Variants in NYNRIN observed in about 807,000 individuals in gnomAD.
NYNRIN encodes the protein NYN domain and retroviral integrase containing, also known as protein NYNRIN.
In NYNRIN, 86 loss-of-function variants were observed where a neutral mutation model predicts 146.6. That is an observed-to-expected ratio of 0.59 (90% CI 0.49 to 0.70). NYNRIN has a LOEUF of 0.70. NYNRIN is among the 30% of genes least tolerant of loss of function. The pLI, the probability that NYNRIN is intolerant of heterozygous loss-of-function variation, is 0.00. For synonymous variants in NYNRIN, 1,027 were observed against 1,001.3 expected (o/e 1.03, Z -0.48); for missense variants, 2,191 against 2,377.7 (o/e 0.92, Z 1.63).
chr14:24,406,795 G>A (rs1189620513), intron 2 of NYNRIN, among the ~76,000 whole-genome samples: 5 of 152,226 alleles, frequency 3.3e-5, no homozygotes, highest in Non-Finnish European at 7.3e-5. Flanking sequence ...TCCACATGGG[G>A]TGGCTGATTG....
Position 24,399,433 on chromosome 14 carries a change from G to A in NYNRIN, c.187G>A (p.Gly63Ser). Residue 63 changes from glycine (G) to serine (S), a missense_variant, in exon 2 of 9, where the codon GGC (glycine) becomes AGC (serine). This residue lies in a region of NYNRIN where 895 missense variants were observed against 941.2 expected (regional missense o/e 0.95). Transcript: ENST00000382554. ...LQLEGPRENMGKAKEYLKGLC... is the reference protein window; with the variant it reads ...LQLEGPRENMSKAKEYLKGLC... Reference sequence around the variant, plus strand: ...GCTCGAGGGGCCCCGAGAGAACATGGGCAAAGCCAAGGTAAACAGCTTCTC... The same window carrying A: ...GCTCGAGGGGCCCCGAGAGAACATGAGCAAAGCCAAGGTAAACAGCTTCTC... 1.2e-6 allele frequency: 2 copies of A among 1,611,580 alleles called. No individual in the cohort carries two copies. The highest frequency in any genetic ancestry group is 1.7e-6 in the Non-Finnish European group (2 of 1,178,836).
At position 24,411,271 on chromosome 14, in the gene NYNRIN, GC is replaced by G. The variant is rs201048970; in HGVS notation, c.2545+69del. On this transcript the variant is annotated intron_variant, in intron 5 of 8. Transcript: ENST00000382554. This position sits in a 1 kb window ranked among gnomAD's most constrained non-coding sequence, Gnocchi z 4.3. ...CAAGCTTTCTTCTCTCTGCCTTGCT[GC>G]CCCGACCCTCTGCCACCCCAGAGTG... 30,360 of 1,612,630 alleles carry G rather than the reference GC, an allele frequency of 0.019. 327 individuals are homozygous for G. The highest frequency in any genetic ancestry group is 0.037 in the Middle Eastern group (224 of 6,046).
chr14:24,413,205 C>T, intron 7 of NYNRIN, 107 bp downstream of exon 7: 1 of 1,325,928 alleles, frequency 7.5e-7, no homozygotes, highest in Non-Finnish European at 1.1e-6. Context: ...GTAGTGCCCA[C>T]CAGCACCTGC....
intron 2 of NYNRIN, among the ~76,000 whole-genome samples, chr14:24,405,652 G>C (rs2042871556): frequency 6.6e-6 from 1 of 152,186 alleles, no homozygotes; most frequent in Non-Finnish European, 1.5e-5. Context: ...TGTGGAGCTA[G>C]AGTGCCTGAG....
chr14:24,413,186 G>C, intron 7 of NYNRIN, 88 bp downstream of exon 7: 1 of 1,333,986 alleles, frequency 7.5e-7, no homozygotes, highest in Non-Finnish European at 1.1e-6. Context: ...CTGGAAGAGA[G>C]GCCTTGGAGT....
At position 24,416,768 on chromosome 14, in the gene NYNRIN, TC is replaced by T; in HGVS notation, c.5021del (p.Pro1674LeufsTer2). 6.2e-7 allele frequency: 1 copy of T among 1,613,730 alleles called. No homozygotes were observed. Among genetic ancestry groups the T allele is most frequent in the Non-Finnish European group, 8.5e-7 (1 of 1,179,842 alleles). On this transcript the variant is annotated frameshift_variant, in exon 9 of 9. Transcript: ENST00000382554. LOFTEE classifies it high-confidence loss of function. ...LQHVFARWGV[P>X]VRLEAAQGPQ... ...AGCATGTGTTTGCAAGGTGGGGTGT[TC>T]CTGTGAGGCTGGAGGCAGCCCAGGG...
intron 2 of NYNRIN, among the ~76,000 whole-genome samples, chr14:24,403,835 A>G (rs1374947780): frequency 6.6e-6 from 1 of 152,274 alleles, no homozygotes; most frequent in Non-Finnish European, 1.5e-5. Flanking sequence ...CACGTTGCAT[A>G]GCCAAAGGAT....
intron 8 of NYNRIN, 40 bp from the exon 9 acceptor site, chr14:24,414,556 G>T: frequency 6.4e-7 from 1 of 1,554,858 alleles, no homozygotes. Context: ...GATTGCTCAC[G>T]ATGGGGCTGC....
rs747458117 is a variant in NYNRIN, at chr14:24,414,837, G to T, written c.3088G>T (p.Glu1030Ter). 1.2e-6 allele frequency: 2 copies of T among 1,613,340 alleles called. No homozygotes were observed. Among genetic ancestry groups the T allele is most frequent in the Non-Finnish European group, 1.7e-6 (2 of 1,179,526 alleles). Residue 1030 changes from glutamate to a stop codon, truncating the protein, a stop_gained, in exon 9 of 9, where the codon GAG (glutamate) becomes TAG (stop). Transcript: ENST00000382554. LOFTEE classifies it high-confidence loss of function. ...DSSLASVFRV[E>*]CPSLSEEILR... is the part of the protein sequence containing the mutation. ...TTCGCTGGCGTCAGTGTTCAGGGTGGAGTGCCCGTCCCTTTCGGAGGAGAT... is the reference window on the plus strand; with the variant it reads ...TTCGCTGGCGTCAGTGTTCAGGGTGTAGTGCCCGTCCCTTTCGGAGGAGAT...
chr14:24,406,872 C>T (rs1188130522), intron 2 of NYNRIN, among the ~76,000 whole-genome samples: 1 of 152,258 alleles, frequency 6.6e-6, no homozygotes, highest in Non-Finnish European at 1.5e-5. Context: ...ACCTCGCCCA[C>T]CCCAGCCACT....
Position 24,411,314 on chromosome 14 carries a change from C to T in NYNRIN, c.2546-40C>T, listed in dbSNP as rs1245506118. On this transcript the variant is annotated intron_variant, in intron 5 of 8. Coordinates refer to ENST00000382554, the MANE Select transcript of NYNRIN (RefSeq NM_025081.3). The surrounding 1 kb of genome is among the most constrained non-coding windows in gnomAD (Gnocchi z 4.3). ...CCCAGAGTGGCCATTTCCACTTAGCCCTCCCTTGACCATTTCTGTCTTCTG... is the reference window on the plus strand; with the variant it reads ...CCCAGAGTGGCCATTTCCACTTAGCTCTCCCTTGACCATTTCTGTCTTCTG... 1 of 1,612,752 alleles carries T rather than the reference C, an allele frequency of 6.2e-7. No homozygotes were observed. Among genetic ancestry groups the T allele is most frequent in the Non-Finnish European group, 8.5e-7 (1 of 1,178,780 alleles).
rs948847074 is a variant in NYNRIN at position 24,418,338 on chromosome 14, G to A, written c.*892G>A. The A allele has an allele frequency of 6.6e-6, 3 of 453,944 alleles. No individual in the cohort carries two copies. The highest frequency in any genetic ancestry group is 3.1e-5 in the South Asian group (2 of 64,246). The allele number at this position is 453,944 out of a possible 1,614,324, so 28.1% of individuals were successfully genotyped here. ...GGCGTCTGCAACAGGAGTGGCACACGGTGAAGTGCTGGCATGGCTCTACCT... is the reference window on the plus strand; with the variant it reads ...GGCGTCTGCAACAGGAGTGGCACACAGTGAAGTGCTGGCATGGCTCTACCT... On this transcript the variant is annotated 3_prime_UTR_variant, in exon 9 of 9. Coordinates refer to ENST00000382554, the MANE Select transcript of NYNRIN (RefSeq NM_025081.3).
rs113119792 is a variant in NYNRIN, at chr14:24,408,763, G to C, written c.969G>C (p.Arg323Ser). 27 of 1,613,858 alleles carry C rather than the reference G, an allele frequency of 1.7e-5. No homozygotes were observed. Among genetic ancestry groups the C allele is most frequent in the East Asian group, 6.7e-5 (3 of 44,898 alleles). The change falls in exon 4 of 9, where the codon AGG (arginine) becomes AGC (serine). Residue 323 changes from arginine to serine, a missense_variant. This residue lies in a region of NYNRIN where 895 missense variants were observed against 941.2 expected (regional missense o/e 0.95). Transcript: ENST00000382554. The part of the protein sequence containing the change: ...TNHTQALLKQ[R>S]QVQKIEDKLL... ...ACACACAAGCCTTGTTGAAGCAAAGGCAGGTCCAGAAGATAGAAGATAAAC... is the reference window on the plus strand; with the variant it reads ...ACACACAAGCCTTGTTGAAGCAAAGCCAGGTCCAGAAGATAGAAGATAAAC...
intron 6 of NYNRIN, chr14:24,412,732 G>T (rs1383100963): frequency 5.7e-6 from 2 of 349,706 alleles, no homozygotes; most frequent in Non-Finnish European, 1.1e-5. Context: ...ATGTGCCTAT[G>T]CGTATAACAG....
Position 24,409,436 on chromosome 14 carries a change from A to T in NYNRIN, c.1642A>T (p.Met548Leu). ...AGTGCCTGAAACTCTCAAAGTGCCCATGGCTGCAGCAGTGCCCAAAGCTGA... is the reference window on the plus strand; with the variant it reads ...AGTGCCTGAAACTCTCAAAGTGCCCTTGGCTGCAGCAGTGCCCAAAGCTGA... ...QTVPETLKVPMAAAVPKAENP... is the reference protein window; with the variant it reads ...QTVPETLKVPLAAAVPKAENP... The change falls in exon 4 of 9, where the codon ATG (methionine) becomes TTG (leucine). Residue 548 changes from methionine (M) to leucine (L), a missense_variant. Physicochemically the swap from Met to Leu is conservative, Grantham distance 15. This residue lies in a region of NYNRIN where 895 missense variants were observed against 941.2 expected (regional missense o/e 0.95). Transcript: ENST00000382554. 1.2e-6 allele frequency: 2 copies of T among 1,614,016 alleles called. No homozygotes were observed. Among genetic ancestry groups the T allele is most frequent in the South Asian group, 2.2e-5 (2 of 91,086 alleles).
intron 2 of NYNRIN, among the ~76,000 whole-genome samples, chr14:24,400,833 G>A (rs1309554531): frequency 1.3e-5 from 2 of 151,154 alleles, no homozygotes; most frequent in Middle Eastern, 3.4e-3. Context: ...GCCCAGGCTG[G>A]AGTGCAATGG....
Position 24,399,264 on chromosome 14 carries a change from C to A in NYNRIN, c.18C>A (p.Gly6=). 6.2e-7 allele frequency: 1 copy of A among 1,613,802 alleles called. No individual in the cohort carries two copies. The highest frequency in any genetic ancestry group is 1.3e-5 in the African/African-American group (1 of 75,046). MLLSG[G]DPPAQEWFMV... ...GGGCAGCCATGCTCCTGTCTGGGGG[C>A]GATCCTCCGGCGCAGGAATGGTTCA... The change falls in exon 2 of 9, where the codon GGC becomes GGA. Residue 6 remains glycine (G), a synonymous_variant. Transcript: ENST00000382554.
In NYNRIN at chr14:24,415,989, A is replaced by G. The variant is rs1442856086; in HGVS notation, c.4240A>G (p.Ile1414Val). The G allele has an allele frequency of 6.8e-6, 11 of 1,613,802 alleles. No homozygotes were observed. Among genetic ancestry groups the G allele is most frequent in the African/African-American group, 2.7e-5 (2 of 74,992 alleles). The change falls in exon 9 of 9, where the codon ATT becomes GTT. Residue 1414 changes from isoleucine (I) to valine (V), a missense_variant. Physicochemically the swap from Ile to Val is conservative, Grantham distance 29. Around this residue, in one of 3 missense-constraint regions of NYNRIN, gnomAD observed 1,291 missense variants for 1,417.0 expected, o/e 0.91. Transcript: ENST00000382554. The stretch of plus-strand genomic sequence containing the variant: ...CCCTCACCCAAGCCTGCTCTCCTAC[A>G]TTATATCCCTCACCTCTGGCCTCTC... ...PLPHPSLLSY[I>V]ISLTSGLSSL...
rs200952720 is a variant in NYNRIN at position 24,415,220 on chromosome 14, G to C, written c.3471G>C (p.Gln1157His). The stretch of plus-strand genomic sequence containing the variant: ...TCTGCCTGATGGCCCCCAACTCCCA[G>C]CTGCCCTTCCGCCTGGAGGTGACCG... ...SALCLMAPNS[Q>H]LPFRLEVTVS... Residue 1157 changes from glutamine to histidine, a missense_variant, in exon 9 of 9, where the codon CAG becomes CAC. Around this residue, in one of 3 missense-constraint regions of NYNRIN, gnomAD observed 1,291 missense variants for 1,417.0 expected, o/e 0.91. Coordinates refer to ENST00000382554, the MANE Select transcript of NYNRIN (RefSeq NM_025081.3). 6.9e-5 allele frequency: 112 copies of C among 1,612,504 alleles called. No homozygotes were observed. The highest frequency in any genetic ancestry group is 9.0e-5 in the Non-Finnish European group (106 of 1,179,858).
Sources: allele counts gnomAD v4.1 joint callset (sites outside exome capture counted in the v4.1 genomes callset), GRCh38; gene constraint gnomAD v4.1.1; regional missense constraint gnomAD v4.1.1; non-coding constraint Gnocchi (gnomAD v3.1); transcripts MANE v1.5; gene names NCBI Gene and HGNC (gene_info 2026-07-23, HGNC 2026-07-21).